Variants in VDAC1 observed in about 807,000 individuals in gnomAD.
The protein encoded by VDAC1 is voltage dependent anion channel 1.
Under a neutral mutation model 34.7 loss-of-function variants are expected in VDAC1, and 10 were observed. That is an observed-to-expected ratio of 0.29 (90% CI 0.18 to 0.49). The LOEUF (loss-of-function observed/expected upper bound fraction) is 0.49. Ranked by LOEUF, VDAC1 falls within the 20% of genes least tolerant of loss-of-function variation. VDAC1 has a pLI of 0.99. For missense variants in VDAC1, 230 were observed against 347.9 expected (o/e 0.66, Z 2.69); for synonymous variants, 130 against 136.0 (o/e 0.96, Z 0.30).
chr5:134,113,955 G>A, the VDAC1 span, among the ~76,000 whole-genome samples: 2 of 152,192 alleles, frequency 1.3e-5, no homozygotes, highest in East Asian at 1.9e-4. Context: ...TTCTAGTCAC[G>A]GAACCGAGTT....
At chr5:134,012,783 C>A in the VDAC1 span, among the ~76,000 whole-genome samples, 1 of 151,792 alleles carries the variant, frequency 6.6e-6, no homozygotes, top group Non-Finnish European at 1.5e-5. Flanking sequence ...CCAGAATAAC[C>A]AAAGGATCCT....
chr5:134,069,726 G>A, the VDAC1 span, among the ~76,000 whole-genome samples: 5 of 152,158 alleles, frequency 3.3e-5, no homozygotes, highest in African/African-American at 1.2e-4. Context: ...TGTCAAAAGT[G>A]TTTGAACCAG....
upstream of VDAC1, chr5:134,004,982 C>G (rs1561604119): frequency 6.6e-6 from 1 of 152,252 alleles, no homozygotes; most frequent in Non-Finnish European, 1.5e-5. Context: ...AGTCGGGGCA[C>G]GGGGAGGCGC....
intron 2 of VDAC1, 105 bp from the exon 3 acceptor site, chr5:133,992,460 T>C: frequency 1.2e-6 from 1 of 812,584 alleles, no homozygotes; most frequent in Non-Finnish European, 1.8e-6. Context: ...AGAAGCACAC[T>C]CCTGCCACAG....
At chr5:134,004,809 C>A (rs1216031574) in intron 1 of VDAC1, 86 bp downstream of exon 1, 1 of 150,212 alleles carries the variant, frequency 6.7e-6, no homozygotes, top group African/African-American at 2.4e-5. Flanking sequence ...CGCGCCCGGC[C>A]CGGCGCGCTC....
chr5:134,000,791 G>A (rs1753520263), intron 1 of VDAC1, among the ~76,000 whole-genome samples: 1 of 152,078 alleles, frequency 6.6e-6, no homozygotes, highest in African/African-American at 2.4e-5. Context: ...GGTAAGCAGG[G>A]AATACACACA....
intron 5 of VDAC1, among the ~76,000 whole-genome samples, chr5:133,986,484 C>A (rs564397488): frequency 1.3e-5 from 2 of 152,050 alleles, no homozygotes; most frequent in Admixed American, 6.6e-5. Context: ...GCAACCTCCA[C>A]CTCCTGGGTT....
At chr5:133,990,820 A>C (rs769722409) in intron 5 of VDAC1, 35 bp downstream of exon 5, 1 of 1,518,298 alleles carries the variant, frequency 6.6e-7, no homozygotes, top group Admixed American at 2.2e-5. Context: ...AACATCAGAG[A>C]ACATCCTTGT....
intron 7 of VDAC1, among the ~76,000 whole-genome samples, chr5:133,974,275 AC>A (rs1484895613): frequency 6.6e-6 from 1 of 152,152 alleles, no homozygotes; most frequent in African/African-American, 2.4e-5. Flanking sequence ...CCCTCATTTC[AC>A]CCCAAAGAGA....
chr5:134,024,593 T>C, the VDAC1 span, among the ~76,000 whole-genome samples: 2 of 132,914 alleles, frequency 1.5e-5, no homozygotes, highest in African/African-American at 5.6e-5. Flanking sequence ...CATCAAGAGA[T>C]AGAAACTTAA....
At chr5:134,033,358 A>G in the VDAC1 span, among the ~76,000 whole-genome samples, 1 of 151,498 alleles carries the variant, frequency 6.6e-6, no homozygotes, top group African/African-American at 2.4e-5. Flanking sequence ...GGGTTTCACC[A>G]CGTTGGCCAG....
chr5:134,019,822 G>A, the VDAC1 span, among the ~76,000 whole-genome samples: 3 of 152,154 alleles, frequency 2.0e-5, no homozygotes, highest in Non-Finnish European at 4.4e-5. Flanking sequence ...AGACCACACT[G>A]CCTATGTGCT....
At chr5:134,089,149 A>C in the VDAC1 span, among the ~76,000 whole-genome samples, 1 of 152,204 alleles carries the variant, frequency 6.6e-6, no homozygotes, top group South Asian at 2.1e-4. Flanking sequence ...CCAGATGGCC[A>C]CCTGCAGGGA....
chr5:134,076,268 C>T, the VDAC1 span, among the ~76,000 whole-genome samples: 1 of 152,214 alleles, frequency 6.6e-6, no homozygotes, highest in African/African-American at 2.4e-5. Flanking sequence ...CATGAGCCAC[C>T]ATGCCCAGCC....
the VDAC1 span, among the ~76,000 whole-genome samples, chr5:134,018,728 T>G: frequency 6.6e-6 from 1 of 151,964 alleles, no homozygotes; most frequent in Admixed American, 6.6e-5. Flanking sequence ...TGATTTAGGG[T>G]GGGGTTGGCC....
intron 8 of VDAC1, 49 bp from the exon 9 acceptor site, chr5:133,972,911 G>T (rs780861358): frequency 2.0e-6 from 3 of 1,480,250 alleles, no homozygotes; most frequent in Non-Finnish European, 2.8e-6. Flanking sequence ...ATGGAGGAAA[G>T]AAATGACAAG....
the VDAC1 span, among the ~76,000 whole-genome samples, chr5:134,012,859 T>C: frequency 1.1e-4 from 17 of 152,110 alleles, no homozygotes; most frequent in Admixed American, 1.1e-3. Context: ...AAGGCTACAA[T>C]AACCCAAACA....
chr5:134,062,951 A>G, the VDAC1 span, among the ~76,000 whole-genome samples: 2 of 146,126 alleles, frequency 1.4e-5, no homozygotes, highest in East Asian at 1.9e-4. Context: ...CAGTTTAAAT[A>G]AGAGAGGGAT....
At chr5:134,079,363 G>A in the VDAC1 span, among the ~76,000 whole-genome samples, 3 of 152,210 alleles carry the variant, frequency 2.0e-5, no homozygotes, top group Admixed American at 2.0e-4. Context: ...GGAGAGAGTG[G>A]CATCACCGTC....
Sources: allele counts gnomAD v4.1 joint callset (sites outside exome capture counted in the v4.1 genomes callset), GRCh38; gene constraint gnomAD v4.1.1; transcripts MANE v1.5; gene names NCBI Gene and HGNC (gene_info 2026-07-23, HGNC 2026-07-21).